The following ARHGAP18 variants were observed in gnomAD, a reference collection of about 807,000 sequenced individuals.
The protein encoded by ARHGAP18 is rho GTPase-activating protein 18.
In ARHGAP18, 67 loss-of-function variants were observed where a neutral mutation model predicts 86.2. The observed-to-expected ratio is 0.78, with a 90% confidence interval of 0.64 to 0.95. ARHGAP18 has a LOEUF of 0.95. ARHGAP18 is among the 40% of genes least tolerant of loss of function. The probability of loss-of-function intolerance (pLI) is 0.00; values close to 1 mark genes in which losing one functional copy is unlikely to be tolerated. For synonymous variants in ARHGAP18, 283 were observed against 280.4 expected (o/e 1.01, Z -0.09); for missense variants, 691 against 780.4 (o/e 0.89, Z 1.37).
At chr6:129,581,624 C>A (rs991492210) in intron 13 of ARHGAP18, among the ~76,000 whole-genome samples, 1 of 152,158 alleles carries the variant, frequency 6.6e-6, no homozygotes, top group Middle Eastern at 3.4e-3. Context: ...CAGATTTTTG[C>A]GTAATGCTAA....
In ARHGAP18 at chr6:129,600,638, T is replaced by C. The variant is rs758047093; in HGVS notation, c.1572+4A>G. 6.2e-7 allele frequency: 1 copy of C among 1,611,886 alleles called. No homozygotes were observed. Among genetic ancestry groups the C allele is most frequent in the Non-Finnish European group, 8.5e-7 (1 of 1,178,350 alleles). ...TAAGACCAAAGCATATGATATATAC[T>C]TACTGTCCACAGAAGTTTTTGGTAC... On this transcript the variant is annotated splice_donor_region_variant and intron_variant, in intron 11 of 14. Transcript: ENST00000368149.
chr6:129,634,203 A>T, intron 3 of ARHGAP18, 98 bp from the exon 4 acceptor site: 11 of 976,054 alleles, frequency 1.1e-5, no homozygotes, highest in African/African-American at 1.6e-5. Context: ...AGTACAAGAC[A>T]TGTACTCAGA....
At chr6:129,683,378 T>C (rs1272523163) in intron 1 of ARHGAP18, among the ~76,000 whole-genome samples, 2 of 152,240 alleles carry the variant, frequency 1.3e-5, no homozygotes, top group Non-Finnish European at 2.9e-5. Context: ...GCCTTGTTTT[T>C]TCTTTTAATT....
intron 1 of ARHGAP18, among the ~76,000 whole-genome samples, chr6:129,686,008 G>A (rs187192208): frequency 3.9e-4 from 59 of 152,260 alleles, no homozygotes; most frequent in African/African-American, 1.3e-3. Context: ...GGGGGCGGGC[G>A]GAGGGGCAGA....
At chr6:129,648,581 G>A (rs1024236395) in intron 1 of ARHGAP18, among the ~76,000 whole-genome samples, 3 of 151,538 alleles carry the variant, frequency 2.0e-5, no homozygotes, top group African/African-American at 7.3e-5. Flanking sequence ...AGACCAGCCT[G>A]GGCAACTAAT....
At chr6:129,687,033 A>G (rs550617615) in intron 1 of ARHGAP18, among the ~76,000 whole-genome samples, 2 of 135,578 alleles carry the variant, frequency 1.5e-5, no homozygotes, top group African/African-American at 5.7e-5. Flanking sequence ...CATGTTGGCC[A>G]GGCTAGTCTC....
intron 12 of ARHGAP18, among the ~76,000 whole-genome samples, chr6:129,593,447 C>A (rs1412586117): frequency 3.9e-5 from 6 of 152,062 alleles, no homozygotes; most frequent in Admixed American, 3.9e-4. Context: ...GGTGAAAAAG[C>A]AAGACCTTAT....
At chr6:129,668,524 T>G (rs951000429) in intron 1 of ARHGAP18, among the ~76,000 whole-genome samples, 8 of 152,204 alleles carry the variant, frequency 5.3e-5, no homozygotes, top group African/African-American at 1.9e-4. Context: ...GTCCCGATTC[T>G]TCAGCCTGAT....
intron 5 of ARHGAP18, among the ~76,000 whole-genome samples, chr6:129,627,178 A>C (rs2114485141): frequency 6.6e-6 from 1 of 152,280 alleles, no homozygotes; most frequent in Non-Finnish European, 1.5e-5. Flanking sequence ...AAGCAAATTA[A>C]AACATTAATT....
intron 12 of ARHGAP18, among the ~76,000 whole-genome samples, chr6:129,584,609 C>T (rs1419781893): frequency 6.6e-6 from 1 of 152,138 alleles, no homozygotes; most frequent in Admixed American, 6.5e-5. Flanking sequence ...TTAATGAGCT[C>T]ATGCTTTTTG....
chr6:129,695,523 A>C (rs1774601124), intron 1 of ARHGAP18, among the ~76,000 whole-genome samples: 1 of 152,184 alleles, frequency 6.6e-6, no homozygotes, highest in Admixed American at 6.6e-5. Flanking sequence ...CTTTGCCTTC[A>C]AGCCTCAGGC....
At chr6:129,691,501 G>A (rs573366067) in intron 1 of ARHGAP18, among the ~76,000 whole-genome samples, 10 of 152,152 alleles carry the variant, frequency 6.6e-5, no homozygotes, top group Admixed American at 2.0e-4. Flanking sequence ...AGATTATTAC[G>A]ATTTCAGGTA....
chr6:129,690,673 T>C (rs1344973359), intron 1 of ARHGAP18, among the ~76,000 whole-genome samples: 1 of 152,198 alleles, frequency 6.6e-6, no homozygotes, highest in Non-Finnish European at 1.5e-5. Context: ...ATACAGCATA[T>C]ATAGATTTCT....
chr6:129,611,629 A>C lies in ARHGAP18; in HGVS notation c.1045-19T>G, dbSNP rs145100606. 5.0e-6 allele frequency: 8 copies of C among 1,607,860 alleles called. No homozygotes were observed. In the African/African-American group the frequency reaches 8.0e-5, roughly 16 times the overall value. ...AAATCAGCTGTGCATAAACAGAGAAACATTCTAATTTCCGTATTTGTAACA... is the reference window on the plus strand; with the variant it reads ...AAATCAGCTGTGCATAAACAGAGAACCATTCTAATTTCCGTATTTGTAACA... On this transcript the variant is annotated intron_variant, in intron 7 of 14. Transcript: ENST00000368149.
chr6:129,673,797 C>A (rs1428357013), intron 1 of ARHGAP18, among the ~76,000 whole-genome samples: 1 of 152,140 alleles, frequency 6.6e-6, no homozygotes, highest in Non-Finnish European at 1.5e-5. Context: ...TATTTCTATT[C>A]TTTTAGGTTA....
chr6:129,592,320 A>G (rs1380447121), intron 12 of ARHGAP18, among the ~76,000 whole-genome samples: 4 of 152,246 alleles, frequency 2.6e-5, no homozygotes, highest in Non-Finnish European at 5.9e-5. Flanking sequence ...AATTCTAAAC[A>G]GAGTTGTGCA....
intron 4 of ARHGAP18, among the ~76,000 whole-genome samples, chr6:129,633,239 C>T (rs181348177): frequency 8.6e-4 from 128 of 148,662 alleles, no homozygotes; most frequent in African/African-American, 3.0e-3. Flanking sequence ...ACCAGCCTCG[C>T]CAACATGGTG....
chr6:129,689,345 G>A (rs576498573), intron 1 of ARHGAP18, among the ~76,000 whole-genome samples: 40 of 152,302 alleles, frequency 2.6e-4, no homozygotes, highest in African/African-American at 8.7e-4. Flanking sequence ...CCAAGCTAGA[G>A]TGCAGTAGCG....
At chr6:129,595,964 A>G (rs1788608271) in intron 12 of ARHGAP18, among the ~76,000 whole-genome samples, 1 of 151,980 alleles carries the variant, frequency 6.6e-6, no homozygotes, top group African/African-American at 2.4e-5. Context: ...CCAGAATCCA[A>G]CCATTTCTCC....
Sources: gnomAD v4.1 joint callset for allele counts (sites outside exome capture counted in the v4.1 genomes callset) on GRCh38, gnomAD v4.1.1 for gene constraint, MANE v1.5 for transcripts, NCBI Gene and HGNC (gene_info 2026-07-23, HGNC 2026-07-21) for gene names.